Variants in DLGAP1 observed in about 807,000 individuals in gnomAD.
DLGAP1 encodes disks large-associated protein 1.
DLGAP1 carries 11 observed loss-of-function variants against 90.8 expected under a neutral mutation model. That is an observed-to-expected ratio of 0.12 (90% CI 0.08 to 0.20). The LOEUF is 0.20. Among genes scored for constraint, DLGAP1 ranks in the 10% least tolerant of loss-of-function variants. The pLI is 1.00. For missense variants in DLGAP1, 1,050 were observed against 1,333.8 expected (o/e 0.79, Z 3.31); for synonymous variants, 558 against 540.7 (o/e 1.03, Z -0.44).
chr18:4,044,103 T>C (rs1275098475), intron 2 of DLGAP1, among the ~76,000 whole-genome samples: 1 of 152,212 alleles, frequency 6.6e-6, no homozygotes, highest in East Asian at 1.9e-4. Flanking sequence ...ATCAGGGATA[T>C]GAAATGTCTT....
chr18:3,676,438 C>T (rs2060302638), intron 7 of DLGAP1, among the ~76,000 whole-genome samples: 2 of 152,114 alleles, frequency 1.3e-5, no homozygotes, highest in Admixed American at 6.6e-5. Flanking sequence ...CCTTCTTTTG[C>T]CTGTTAAACT....
chr18:3,568,038 A>G (rs1352188573), intron 8 of DLGAP1, among the ~76,000 whole-genome samples: 1 of 152,084 alleles, frequency 6.6e-6, no homozygotes, highest in Non-Finnish European at 1.5e-5. Context: ...AGCTGAGATT[A>G]CAGGTGTGTG....
chr18:4,089,852 T>C (rs558129158), intron 2 of DLGAP1, among the ~76,000 whole-genome samples: 141 of 152,288 alleles, frequency 9.3e-4, no homozygotes, highest in African/African-American at 2.9e-3. Context: ...GAGACCATCC[T>C]GGCTAACACG....
chr18:3,739,891 C>T (rs557700003), intron 6 of DLGAP1, among the ~76,000 whole-genome samples: 27 of 152,254 alleles, frequency 1.8e-4, no homozygotes, highest in East Asian at 1.2e-3. Context: ...TACCTAAGGC[C>T]GAATGGCTAC....
rs368656978 is a variant in DLGAP1 at position 4,054,771 on chromosome 18, C to A, written c.-158-49570G>T. On this transcript the variant is annotated intron_variant, in intron 2 of 12. Coordinates refer to ENST00000315677, the MANE Select transcript of DLGAP1 (RefSeq NM_004746.4). ...TTAAGTTTTTAGCCACAATATCAAACCTTTCATAGCATTCTTTCTTTAATT... is the reference window on the plus strand; with the variant it reads ...TTAAGTTTTTAGCCACAATATCAAAACTTTCATAGCATTCTTTCTTTAATT... Among the ~76,000 whole-genome samples the A allele has an allele frequency of 2.7e-4, 41 of 152,294 alleles. 1 individual carries two copies. The East Asian group carries it at 5.6e-3, about 21-fold the overall frequency.
intron 1 of DLGAP1, among the ~76,000 whole-genome samples, chr18:4,391,442 C>T (rs781179049): frequency 1.4e-4 from 22 of 152,266 alleles, no homozygotes; most frequent in Non-Finnish European, 2.4e-4. Context: ...TTTCACCATC[C>T]TCTAGTGTTC....
intron 3 of DLGAP1, among the ~76,000 whole-genome samples, chr18:3,979,085 C>G (rs1314582105): frequency 6.6e-6 from 1 of 152,182 alleles, no homozygotes; most frequent in Non-Finnish European, 1.5e-5. Flanking sequence ...ATTTGCACAA[C>G]ATGGATGAAC....
rs190474888 is a variant in DLGAP1 at position 3,614,332 on chromosome 18, G to A, written c.1592-32084C>T. ...TATTGAACTGGGGTTCTGGGATACC[G>A]CAAAGTATTATATACAATTTGCATA... On this transcript the variant is annotated intron_variant, in intron 7 of 12. Transcript: ENST00000315677. 6.6e-5 allele frequency among the ~76,000 whole-genome samples: 10 copies of A among 152,244 alleles called. No individual in the cohort carries two copies. The East Asian group carries it at 9.7e-4, about 15-fold the overall frequency.
At chr18:4,203,740 C>T (rs1281229645) in intron 1 of DLGAP1, among the ~76,000 whole-genome samples, 1 of 152,110 alleles carries the variant, frequency 6.6e-6, no homozygotes, top group Non-Finnish European at 1.5e-5. Flanking sequence ...ATGACTAATA[C>T]AACATGGTAC....
At chr18:4,361,918 C>G (rs2081638341) in intron 1 of DLGAP1, among the ~76,000 whole-genome samples, 1 of 152,022 alleles carries the variant, frequency 6.6e-6, no homozygotes, top group Admixed American at 6.5e-5. Flanking sequence ...TAAAAGTATG[C>G]AAAGGACTTA....
intron 9 of DLGAP1, among the ~76,000 whole-genome samples, chr18:3,566,945 TC>T (rs2054459977): frequency 6.6e-6 from 1 of 152,006 alleles, no homozygotes; most frequent in South Asian, 2.1e-4. Context: ...TTTTATGAAA[TC>T]CTACATTTCC....
intron 2 of DLGAP1, among the ~76,000 whole-genome samples, chr18:4,055,462 G>A (rs78291374): frequency 0.04 from 6,096 of 152,200 alleles, 184 homozygotes; most frequent in Middle Eastern, 0.14. Flanking sequence ...GGGCCCCGGT[G>A]TCGTCTGTTG....
intron 2 of DLGAP1, among the ~76,000 whole-genome samples, chr18:4,113,377 C>T (rs747085947): frequency 4.0e-5 from 6 of 151,884 alleles, no homozygotes; most frequent in Non-Finnish European, 7.4e-5. Flanking sequence ...GAACTTTTTT[C>T]GAAAGTTTGT....
chr18:4,288,413 G>A (rs2079757943), intron 1 of DLGAP1, among the ~76,000 whole-genome samples: 1 of 152,142 alleles, frequency 6.6e-6, no homozygotes, highest in Admixed American at 6.6e-5. Context: ...AGAAGCAAGA[G>A]AATTTTAGCT....
At chr18:3,500,849 T>C (rs1352525405) in intron 12 of DLGAP1, among the ~76,000 whole-genome samples, 4 of 152,322 alleles carry the variant, frequency 2.6e-5, no homozygotes, top group East Asian at 1.9e-4. Flanking sequence ...TTTAGAAATA[T>C]GAATATTGGA....
In DLGAP1 at chr18:3,705,902, T is replaced by G. The variant is rs934686427; in HGVS notation, c.1591+23233A>C. Among the ~76,000 whole-genome samples, 4 of 150,804 alleles carry G rather than the reference T, an allele frequency of 2.7e-5. No individual in the cohort carries two copies. In the South Asian group the frequency reaches 8.5e-4, roughly 32 times the overall value. On this transcript the variant is annotated intron_variant, in intron 7 of 12. Transcript: ENST00000315677. ...TCGAACTCCTGGCCTCAGGTGATCC[T>G]CCCTGCTTGGCCTCCCAAAGTGCTG... is the stretch of plus-strand genomic sequence containing the variant.
At chr18:4,202,956 T>A (rs1198465406) in intron 1 of DLGAP1, among the ~76,000 whole-genome samples, 1 of 152,172 alleles carries the variant, frequency 6.6e-6, no homozygotes, top group Non-Finnish European at 1.5e-5. Flanking sequence ...TCTCTCTGAA[T>A]TAGTCCTTAA....
intron 1 of DLGAP1, among the ~76,000 whole-genome samples, chr18:4,450,539 C>G (rs1192789667): frequency 6.6e-6 from 1 of 152,176 alleles, no homozygotes; most frequent in African/African-American, 2.4e-5. Flanking sequence ...TGCAGAGATT[C>G]AGATGCAAGG....
In DLGAP1 at chr18:3,729,346, G is replaced by T. The variant is rs768227902; in HGVS notation, c.1380C>A (p.Phe460Leu). ...TGAACACGGACTCGCACACGGACTC[G>T]AACTGCCCGTTCACTTCCATCTCGC... ...QVSEMEVNGQ[F>L]ESVCESVFSE... Residue 460 changes from phenylalanine (F) to leucine (L), a missense_variant, in exon 7 of 13, where the codon TTC becomes TTA. By Grantham distance (22) the Phe-to-Leu change is conservative. This residue lies in a region of DLGAP1 where 565 missense variants were observed against 879.7 expected (regional missense o/e 0.64). Transcript: ENST00000315677. This position sits in a 1 kb window ranked among gnomAD's most constrained non-coding sequence, Gnocchi z 6.2. 2 of 1,613,722 alleles carry T rather than the reference G, an allele frequency of 1.2e-6. No homozygotes were observed. The highest frequency in any genetic ancestry group is 3.3e-5 in the Admixed American group (2 of 60,016).
Sources: gnomAD v4.1 joint callset for allele counts (sites outside exome capture counted in the v4.1 genomes callset) on GRCh38, gnomAD v4.1.1 for gene constraint, gnomAD v4.1.1 regional missense constraint, Gnocchi (gnomAD v3.1) non-coding constraint, MANE v1.5 for transcripts, NCBI Gene and HGNC (gene_info 2026-07-23, HGNC 2026-07-21) for gene names.